The following ZNF782 variants were observed in gnomAD, a reference collection of about 807,000 sequenced individuals.
The protein encoded by ZNF782 is zinc finger protein 782.
Under a neutral mutation model 13.0 loss-of-function variants are expected in ZNF782, and 12 were observed. That is an observed-to-expected ratio of 0.92 (90% CI 0.59 to 1.50). The LOEUF is 1.50. Among genes scored for constraint, ZNF782 ranks in the 40% most tolerant of loss-of-function variants. The pLI is 0.00. For synonymous variants in ZNF782, 284 were observed against 283.0 expected (o/e 1.00, Z -0.04); for missense variants, 770 against 822.9 (o/e 0.94, Z 0.79).
the ZNF782 span, among the ~76,000 whole-genome samples, chr9:96,932,957 T>TA: frequency 6.6e-6 from 1 of 150,600 alleles, no homozygotes; most frequent in Non-Finnish European, 1.5e-5. Context: ...CCCCAATACT[T>TA]ACTTTCTTTT....
chr9:96,923,797 ACTCTCACAAAAGCAG>A, the ZNF782 span, among the ~76,000 whole-genome samples: 1 of 139,448 alleles, frequency 7.2e-6, no homozygotes, highest in Non-Finnish European at 1.5e-5. Flanking sequence ...ACACCTACAC[ACTCTCACAAAAGCAG>A]TTATGAATAG....
At chr9:96,911,234 T>C in the ZNF782 span, among the ~76,000 whole-genome samples, 1 of 143,060 alleles carries the variant, frequency 7.0e-6, no homozygotes, top group African/African-American at 2.5e-5. Context: ...GGTCAGGAGA[T>C]GGAGACCATC....
chr9:96,887,581 T>C, the ZNF782 span: 1 of 152,224 alleles, frequency 6.6e-6, no homozygotes, highest in Non-Finnish European at 1.5e-5. Context: ...AAAAGTAAAC[T>C]AGTTCAACCA....
At chr9:96,838,585 G>A (rs1851078061) in intron 4 of ZNF782, among the ~76,000 whole-genome samples, 1 of 152,098 alleles carries the variant, frequency 6.6e-6, no homozygotes, top group Admixed American at 6.5e-5. Flanking sequence ...TGTTTTCTTA[G>A]AGAATTGAGC....
rs181819369 is a variant in ZNF782, at chr9:96,873,808, G to C, written c.-457+1660C>G. Among the ~76,000 whole-genome samples the C allele has an allele frequency of 1.5e-3, 235 of 152,254 alleles. 1 individual carries two copies. Among genetic ancestry groups the C allele is most frequent in the Middle Eastern group, 0.014 (4 of 294 alleles). On this transcript the variant is annotated intron_variant, in intron 1 of 5. Coordinates refer to the ZNF782 transcript ENST00000498811. ...AGTCATTTTGATACATGGAAAATTG[G>C]GTCAATTTAGAATAAGAATATAAAC...
the ZNF782 span, among the ~76,000 whole-genome samples, chr9:96,883,518 T>C: frequency 6.6e-6 from 1 of 151,730 alleles, no homozygotes; most frequent in Admixed American, 6.6e-5. Context: ...AGAGAGAAGG[T>C]TTAGACTAAA....
intron 4 of ZNF782, among the ~76,000 whole-genome samples, chr9:96,832,368 A>G (rs548640284): frequency 1.4e-4 from 21 of 152,212 alleles, no homozygotes; most frequent in Non-Finnish European, 2.8e-4. Flanking sequence ...TCAACCATCA[A>G]ACAAAATTAG....
At chr9:96,858,676 C>T (rs1851671895), upstream of ZNF782, among the ~76,000 whole-genome samples, 2 of 152,150 alleles carry the variant, frequency 1.3e-5, no homozygotes, top group Admixed American at 1.3e-4. The surrounding 1 kb of genome is among the most constrained non-coding windows in gnomAD (Gnocchi z 4.4). Context: ...AGATCAAGAT[C>T]GTGACAGGCA....
chr9:96,870,426 A>G (rs191089080), intron 1 of ZNF782, among the ~76,000 whole-genome samples: 136 of 152,340 alleles, frequency 8.9e-4, no homozygotes, highest in Non-Finnish European at 1.4e-3. Flanking sequence ...ACAGGAAAAT[A>G]TCACCTTTCC....
At chr9:96,910,349 G>A in the ZNF782 span, 2 of 591,926 alleles carry the variant, frequency 3.4e-6, no homozygotes, top group Non-Finnish European at 6.4e-6. Context: ...GGCAGCTGAA[G>A]ATGATGAGGA....
chr9:96,868,398 T>C (rs1234921762), intron 1 of ZNF782, among the ~76,000 whole-genome samples: 2 of 152,264 alleles, frequency 1.3e-5, no homozygotes, highest in Non-Finnish European at 2.9e-5. Flanking sequence ...AATGAAGGCA[T>C]TTCTGCATTC....
chr9:96,913,042 G>A, the ZNF782 span, among the ~76,000 whole-genome samples: 3 of 151,372 alleles, frequency 2.0e-5, no homozygotes, highest in East Asian at 2.0e-4. Flanking sequence ...GGCTAGGCAC[G>A]GTGGCTCACA....
At chr9:96,836,889 T>C (rs1185596100) in intron 4 of ZNF782, among the ~76,000 whole-genome samples, 1 of 152,204 alleles carries the variant, frequency 6.6e-6, no homozygotes, top group Admixed American at 6.5e-5. Flanking sequence ...TCTTTTGCCA[T>C]GTGATCTCTT....
the ZNF782 span, among the ~76,000 whole-genome samples, chr9:96,902,074 G>A: frequency 2.6e-5 from 4 of 152,066 alleles, no homozygotes; most frequent in Non-Finnish European, 4.4e-5. Context: ...GTGTGGCACA[G>A]GCAACCCTGG....
At chr9:96,861,708 T>G (rs1242466709) in intron 1 of ZNF782, 1 of 154,086 alleles carries the variant, frequency 6.5e-6, no homozygotes, top group East Asian at 1.9e-4. Context: ...AAAATTACAG[T>G]GAGGGATCAT....
upstream of ZNF782, among the ~76,000 whole-genome samples, chr9:96,854,678 G>A (rs1851614736): frequency 6.6e-6 from 1 of 152,214 alleles, no homozygotes; most frequent in South Asian, 2.1e-4. Flanking sequence ...TTTTTATGAA[G>A]TCTCCCGCTC....
At chr9:96,827,597 G>A (rs1850669193) in intron 4 of ZNF782, among the ~76,000 whole-genome samples, 1 of 151,966 alleles carries the variant, frequency 6.6e-6, no homozygotes, top group Non-Finnish European at 1.5e-5. Flanking sequence ...CACTGTACCT[G>A]GCCAAAAAAC....
chr9:96,818,350 CCT>C lies in ZNF782; in HGVS notation c.1671_1672del (p.Glu559LysfsTer4), dbSNP rs372496151. ...ATGATTACATTTATAGGGTTTTTCC[CCT>C]GTGTGAATTCTATGATGTCCTCTGA... On this transcript the variant is annotated frameshift_variant, in exon 6 of 6. Transcript: ENST00000481138. LOFTEE classifies it low-confidence loss of function (END_TRUNC). The C allele has an allele frequency of 6.3e-5, 102 of 1,614,116 alleles. No homozygotes were observed. Among genetic ancestry groups the C allele is most frequent in the Middle Eastern group, 1.6e-4 (1 of 6,062 alleles).
At chr9:96,911,127 G>T in the ZNF782 span, among the ~76,000 whole-genome samples, 1 of 145,858 alleles carries the variant, frequency 6.9e-6, no homozygotes, top group Non-Finnish European at 1.5e-5. Context: ...TAATCTCAAA[G>T]GAGGAAAAAA....
Sources: allele counts gnomAD v4.1 joint callset (sites outside exome capture counted in the v4.1 genomes callset), GRCh38; gene constraint gnomAD v4.1.1; non-coding constraint Gnocchi (gnomAD v3.1); transcripts MANE v1.5; gene names NCBI Gene and HGNC (gene_info 2026-07-23, HGNC 2026-07-21).